PDGFC: variants seen among roughly 807,000 people sequenced by gnomAD.
The protein encoded by PDGFC is platelet derived growth factor C, also known as platelet-derived growth factor C.
In PDGFC, 12 loss-of-function variants were observed where a neutral mutation model predicts 35.5. That is an observed-to-expected ratio of 0.34 (90% confidence interval 0.22 to 0.55). The LOEUF (loss-of-function observed/expected upper bound fraction) is 0.55. PDGFC is among the 20% of genes least tolerant of loss of function. PDGFC has a pLI of 0.91. For synonymous variants in PDGFC, 159 were observed against 148.8 expected (o/e 1.07, Z -0.50); for missense variants, 322 against 412.4 (o/e 0.78, Z 1.90).
rs186333786 is a variant in PDGFC, at chr4:156,847,732, C to A, written c.314+2489G>T. 1.9e-3 allele frequency among the ~76,000 whole-genome samples: 106 copies of A among 54,560 alleles called. 3 individuals carry two copies. The highest frequency in any genetic ancestry group is 0.011 in the Middle Eastern group (1 of 94). 35.8% of individuals were successfully genotyped at this position (54,560 alleles called of 152,430 possible). A position where few individuals can be genotyped will look rare whatever the true frequency, so the allele number is the denominator to read the frequency against. ...AAAACTCTCTGTACTATCTTTACAA[C>A]ATTTTTTATACCTATTTTTATACTA... is the stretch of plus-strand genomic sequence containing the variant. On this transcript the variant is annotated intron_variant, in intron 2 of 5. Transcript: ENST00000502773.
In PDGFC at chr4:156,788,975, C is replaced by A. The variant is rs73856751; in HGVS notation, c.496-16082G>T. On this transcript the variant is annotated intron_variant, in intron 3 of 5. Coordinates refer to ENST00000502773, the MANE Select transcript of PDGFC (RefSeq NM_016205.3). ...TAATTTAGGAAGTGGTTAGTTTGTT[C>A]TTGGGTTTTGAGTATAGAATTATAT... 8.0e-3 allele frequency among the ~76,000 whole-genome samples: 1,222 copies of A among 152,214 alleles called. 12 individuals are homozygous for A. The highest frequency in any genetic ancestry group is 0.028 in the African/African-American group (1,151 of 41,516).
intron 3 of PDGFC, among the ~76,000 whole-genome samples, chr4:156,774,885 TAAAC>T (rs2110825181): frequency 6.6e-6 from 1 of 152,226 alleles, no homozygotes; most frequent in African/African-American, 2.4e-5. Context: ...TGTTACAGAA[TAAAC>T]AAAGATACGC....
chr4:156,777,293 TG>T (rs1269876412), intron 3 of PDGFC, among the ~76,000 whole-genome samples: 3 of 152,190 alleles, frequency 2.0e-5, no homozygotes, highest in Non-Finnish European at 4.4e-5. Flanking sequence ...ATACCAAAAA[TG>T]TTTAAATGAA....
intron 2 of PDGFC, among the ~76,000 whole-genome samples, chr4:156,848,320 G>A (rs1169775507): frequency 6.6e-6 from 1 of 151,830 alleles, no homozygotes; most frequent in African/African-American, 2.4e-5. Flanking sequence ...GTTGGGAAAT[G>A]TATAAACTGA....
intron 3 of PDGFC, among the ~76,000 whole-genome samples, chr4:156,784,937 T>C (rs576724180): frequency 1.3e-5 from 2 of 152,324 alleles, no homozygotes; most frequent in South Asian, 4.1e-4. Context: ...TGTAGCATTA[T>C]TAATAGAGAA....
chr4:156,785,846 T>A (rs1447362799), intron 3 of PDGFC, among the ~76,000 whole-genome samples: 1 of 152,168 alleles, frequency 6.6e-6, no homozygotes, highest in Non-Finnish European at 1.5e-5. Flanking sequence ...AAGTTCTAGG[T>A]CAGTTGATCA....
intron 1 of PDGFC, among the ~76,000 whole-genome samples, chr4:156,863,143 A>T (rs1326672411): frequency 6.6e-6 from 1 of 152,234 alleles, no homozygotes; most frequent in East Asian, 1.9e-4. Context: ...CACAATAAAT[A>T]AGGGTCATCA....
intron 3 of PDGFC, among the ~76,000 whole-genome samples, chr4:156,787,486 A>G (rs1436274501): frequency 6.6e-6 from 1 of 152,220 alleles, no homozygotes; most frequent in East Asian, 1.9e-4. Flanking sequence ...AGGGCAGTGA[A>G]TGCAACATAA....
intron 2 of PDGFC, among the ~76,000 whole-genome samples, chr4:156,844,738 GA>G (rs1729284880): frequency 6.6e-6 from 1 of 151,964 alleles, no homozygotes; most frequent in Admixed American, 6.6e-5. Flanking sequence ...TAACAATAAA[GA>G]ATATTACATT....
intron 1 of PDGFC, among the ~76,000 whole-genome samples, chr4:156,969,322 C>T (rs1732536235): frequency 6.6e-6 from 1 of 152,216 alleles, no homozygotes; most frequent in African/African-American, 2.4e-5. Flanking sequence ...CCCCAGACCT[C>T]TGCAGCTACT....
At chr4:156,897,581 A>G (rs900435432) in intron 1 of PDGFC, among the ~76,000 whole-genome samples, 1 of 152,124 alleles carries the variant, frequency 6.6e-6, no homozygotes, top group Non-Finnish European at 1.5e-5. Flanking sequence ...TTTCTACATT[A>G]AAAATGAATT....
At chr4:156,932,166 T>G (rs1731565088) in intron 1 of PDGFC, among the ~76,000 whole-genome samples, 1 of 152,314 alleles carries the variant, frequency 6.6e-6, no homozygotes, top group East Asian at 1.9e-4. Flanking sequence ...ATTTACACTT[T>G]TAAGGGATTT....
intron 1 of PDGFC, among the ~76,000 whole-genome samples, chr4:156,901,432 C>G (rs561630594): frequency 6.6e-6 from 1 of 151,972 alleles, no homozygotes; most frequent in South Asian, 2.1e-4. Context: ...AGAGGGAGAC[C>G]AGGAAAGAAT....
At chr4:156,802,338 G>T (rs1467454473) in intron 3 of PDGFC, among the ~76,000 whole-genome samples, 1 of 152,120 alleles carries the variant, frequency 6.6e-6, no homozygotes, top group African/African-American at 2.4e-5. Context: ...GTCGTCATTG[G>T]ATTGGTGGGC....
chr4:156,858,014 T>G lies in PDGFC; in HGVS notation c.119-7598A>C, dbSNP rs147300754. On this transcript the variant is annotated intron_variant, in intron 1 of 5. Transcript: ENST00000502773. The stretch of plus-strand genomic sequence containing the variant: ...CTTTTATTATTAAGCCAATAAGAGT[T>G]AGAACTTTCTATACTTACAGCCAAA... 1.2e-3 allele frequency among the ~76,000 whole-genome samples: 179 copies of G among 152,242 alleles called. 1 individual carries two copies. Among genetic ancestry groups the G allele is most frequent in the African/African-American group, 3.8e-3 (160 of 41,562 alleles).
chr4:156,922,407 C>T (rs561933458), intron 1 of PDGFC, among the ~76,000 whole-genome samples: 61 of 152,234 alleles, frequency 4.0e-4, no homozygotes, highest in Non-Finnish European at 7.6e-4. Flanking sequence ...ACAAAATGTA[C>T]CCAGCTCCAG....
Position 156,891,279 on chromosome 4 carries a change from C to CAAAAAAAAAAAAA in PDGFC, c.119-40876_119-40864dup, listed in dbSNP as rs59904859. Among the ~76,000 whole-genome samples the CAAAAAAAAAAAAA allele has an allele frequency of 8.2e-5, 5 of 60,704 alleles. 1 individual carries two copies. The highest frequency in any genetic ancestry group is 1.7e-4 in the Non-Finnish European group (5 of 30,014). The allele number at this position is 60,704 out of a possible 152,430, so 39.8% of individuals were successfully genotyped here. A position where few individuals can be genotyped will look rare whatever the true frequency, so the allele number is the denominator to read the frequency against. Reference sequence around the variant, plus strand: ...TGGGCGACAGAGCGAGACTCCGTCTCAAAAAAAAAAAAAAAAAAAAAAAAA... The same window carrying CAAAAAAAAAAAAA: ...TGGGCGACAGAGCGAGACTCCGTCTCAAAAAAAAAAAAAAAAAAAAAAAAAAAAAAAAAAAAAA... On this transcript the variant is annotated intron_variant, in intron 1 of 5. Transcript: ENST00000502773.
chr4:156,818,583 C>T (rs373341572), intron 2 of PDGFC, among the ~76,000 whole-genome samples: 15 of 141,326 alleles, frequency 1.1e-4, no homozygotes, highest in East Asian at 4.3e-4. Context: ...TGCAGTGGCG[C>T]GATCTTGGCT....
chr4:156,799,123 T>C (rs79621914), intron 3 of PDGFC, among the ~76,000 whole-genome samples: 5,801 of 152,290 alleles, frequency 0.038, 114 homozygotes, highest in Admixed American at 0.071. Flanking sequence ...GAACCTAAGA[T>C]AATTCATGTA....
Sources: allele counts gnomAD v4.1 joint callset (sites outside exome capture counted in the v4.1 genomes callset), GRCh38; gene constraint gnomAD v4.1.1; transcripts MANE v1.5; gene names NCBI Gene and HGNC (gene_info 2026-07-23, HGNC 2026-07-21).